The following TMIGD3 variants were observed in gnomAD, a reference collection of about 807,000 sequenced individuals.
TMIGD3 encodes transmembrane and immunoglobulin domain containing 3, also known as AD026 protein (AD026).
In TMIGD3, 21 loss-of-function variants were observed where a neutral mutation model predicts 28.1. The ratio of observed to expected loss-of-function variants is 0.75; its 90% CI spans 0.53 to 1.08. TMIGD3 has a LOEUF of 1.08. Among genes scored for constraint, TMIGD3 ranks in the 50% least tolerant of loss-of-function variants. TMIGD3 has a pLI of 0.00. For synonymous variants in TMIGD3, 151 were observed against 162.1 expected, an observed-to-expected ratio of 0.93 and a Z score of 0.52; for missense variants, 416 against 435.6, an observed-to-expected ratio of 0.96 and a Z score of 0.40.
intron 1 of TMIGD3, among the ~76,000 whole-genome samples, chr1:111,547,597 G>A (rs74928003): frequency 0.032 from 4,910 of 152,284 alleles, 103 homozygotes; most frequent in Non-Finnish European, 0.05. Context: ...GAGGGTCCTG[G>A]AAATCTGACG....
chr1:111,505,950 G>C (rs1442659019), upstream of TMIGD3, among the ~76,000 whole-genome samples: 1 of 152,188 alleles, frequency 6.6e-6, no homozygotes, highest in African/African-American at 2.4e-5. Context: ...GGCTGCACCA[G>C]ACTGAGCAAC....
chr1:111,527,651 A>G (rs1656312712), intron 1 of TMIGD3, among the ~76,000 whole-genome samples: 1 of 152,222 alleles, frequency 6.6e-6, no homozygotes, highest in Admixed American at 6.5e-5. Flanking sequence ...CCTGTTCTAT[A>G]TCCTTACCAG....
In TMIGD3 at chr1:111,483,777, G is replaced by A; in HGVS notation, c.974-20C>T. ...TGCCTACTTTGTTGGGGAATAGAAA[G>A]GGAAAATGGAGTTGAGATCTATTGC... On this transcript the variant is annotated intron_variant, in intron 5 of 5. Transcript: ENST00000369716. The A allele has an allele frequency of 6.2e-7, 1 of 1,607,544 alleles. No homozygotes were observed. The highest frequency in any genetic ancestry group is 8.5e-7 in the Non-Finnish European group (1 of 1,174,212).
intron 1 of TMIGD3, among the ~76,000 whole-genome samples, chr1:111,554,132 C>A (rs1046226894): frequency 1.2e-4 from 19 of 152,326 alleles, no homozygotes; most frequent in African/African-American, 4.3e-4. Flanking sequence ...CTTCCCTATG[C>A]CTCAGTTTCT....
chr1:111,514,002 G>T (rs1655777811), intron 1 of TMIGD3, among the ~76,000 whole-genome samples: 2 of 152,172 alleles, frequency 1.3e-5, no homozygotes, highest in Non-Finnish European at 2.9e-5. Context: ...AAAGGGTGAA[G>T]CCTCAACAGA....
intron 1 of TMIGD3, among the ~76,000 whole-genome samples, chr1:111,559,178 A>C (rs1039354479): frequency 6.6e-6 from 1 of 152,186 alleles, no homozygotes; most frequent in African/African-American, 2.4e-5. Context: ...GATACAACTA[A>C]ACTAGTATTT....
At position 111,534,329 on chromosome 1, in the gene TMIGD3, C is replaced by T. The variant is rs1408783603; in HGVS notation, c.107+29517G>A. On this transcript the variant is annotated intron_variant, in intron 1 of 5. Transcript: ENST00000369717. ...GTGTAAGAAACTGTAGTGTACATGACAGCATATCACAAAACATGTCCCAAA... is the reference window on the plus strand; with the variant it reads ...GTGTAAGAAACTGTAGTGTACATGATAGCATATCACAAAACATGTCCCAAA... Among the ~76,000 whole-genome samples the T allele has an allele frequency of 2.0e-5, 3 of 152,124 alleles. No homozygotes were observed. In the South Asian group the frequency reaches 6.2e-4, roughly 31 times the overall value.
At chr1:111,508,472 T>C (rs942143934), upstream of TMIGD3, among the ~76,000 whole-genome samples, 1 of 152,126 alleles carries the variant, frequency 6.6e-6, no homozygotes, top group Non-Finnish European at 1.5e-5. Flanking sequence ...AAACGCTCCT[T>C]TGAAACTGCT....
chr1:111,510,546 AG>A (rs757322652), intron 1 of TMIGD3, among the ~76,000 whole-genome samples: 8 of 152,048 alleles, frequency 5.3e-5, no homozygotes, highest in Non-Finnish European at 1.0e-4. Flanking sequence ...GTGTGTGAGC[AG>A]CCAGGAGTGT....
At chr1:111,547,466 G>A (rs1268023460) in intron 1 of TMIGD3, among the ~76,000 whole-genome samples, 1 of 152,004 alleles carries the variant, frequency 6.6e-6, no homozygotes, top group African/African-American at 2.4e-5. Flanking sequence ...GACTTCAAAT[G>A]TTTGTGAAAA....
At chr1:111,507,604 A>C (rs980238195), upstream of TMIGD3, among the ~76,000 whole-genome samples, 1 of 152,230 alleles carries the variant, frequency 6.6e-6, no homozygotes, top group Non-Finnish European at 1.5e-5. Flanking sequence ...GCAGGAGCCC[A>C]GGGAAAAGGC....
intron 1 of TMIGD3, among the ~76,000 whole-genome samples, chr1:111,560,301 A>C (rs6703237): frequency 0.025 from 3,801 of 151,866 alleles, 155 homozygotes; most frequent in African/African-American, 0.087. Flanking sequence ...AAAATCTAGA[A>C]TGGAGAGTGA....
At chr1:111,526,975 T>C (rs1454432433) in intron 1 of TMIGD3, among the ~76,000 whole-genome samples, 1 of 151,942 alleles carries the variant, frequency 6.6e-6, no homozygotes, top group Non-Finnish European at 1.5e-5. Flanking sequence ...CTTTTTTCAG[T>C]TTGTAATATA....
chr1:111,503,280 G>A lies in TMIGD3; in HGVS notation c.75C>T (p.Cys25=), dbSNP rs368279686. 82 of 1,614,022 alleles carry A rather than the reference G, an allele frequency of 5.1e-5. No homozygotes were observed. The highest frequency in any genetic ancestry group is 6.7e-5 in the African/African-American group (5 of 74,938). The change falls in exon 1 of 6, where the codon TGC becomes TGT. Residue 25 remains cysteine (C), a synonymous_variant. Coordinates refer to ENST00000369716, the MANE Select transcript of TMIGD3 (RefSeq NM_020683.7). ...TGACCAGCACGTTGCCCACTATGGC[G>A]CAGAGTCCAATGAAAATTTCCATGG... is the stretch of plus-strand genomic sequence containing the variant. The part of the protein sequence containing the change: ...YITMEIFIGL[C]AIVGNVLVIC...
intron 1 of TMIGD3, among the ~76,000 whole-genome samples, chr1:111,522,919 C>G (rs575029166): frequency 6.6e-6 from 1 of 152,308 alleles, no homozygotes; most frequent in Admixed American, 6.5e-5. Flanking sequence ...CACAGGCAAT[C>G]ATTTCACCTG....
intron 1 of TMIGD3, among the ~76,000 whole-genome samples, chr1:111,496,380 G>C (rs1654889005): frequency 1.3e-5 from 2 of 152,128 alleles, no homozygotes. Flanking sequence ...CACACCTAAA[G>C]CCTTTCCCTT....
chr1:111,525,197 G>A (rs1656222093), intron 1 of TMIGD3, among the ~76,000 whole-genome samples: 1 of 152,168 alleles, frequency 6.6e-6, no homozygotes, highest in African/African-American at 2.4e-5. Context: ...TATTGATGGT[G>A]TTATTCAGTC....
At chr1:111,557,072 T>G (rs1657522709) in intron 1 of TMIGD3, among the ~76,000 whole-genome samples, 1 of 151,900 alleles carries the variant, frequency 6.6e-6, no homozygotes, top group Admixed American at 6.6e-5. Flanking sequence ...AATGTCTTTG[T>G]AAAACCACAG....
At chr1:111,492,813 CAAAA>C (rs34093957) in intron 1 of TMIGD3, among the ~76,000 whole-genome samples, 7 of 103,210 alleles carry the variant, frequency 6.8e-5, no homozygotes, top group Admixed American at 9.8e-5. Flanking sequence ...GATGCTGTCT[CAAAA>C]AAAAAAAAAA....
Sources: allele counts gnomAD v4.1 joint callset (sites outside exome capture counted in the v4.1 genomes callset), GRCh38; gene constraint gnomAD v4.1.1; transcripts MANE v1.5; gene names NCBI Gene and HGNC (gene_info 2026-07-23, HGNC 2026-07-21).